Variants in CLDN14 observed in about 807,000 individuals in gnomAD.
CLDN14 encodes claudin 14.
CLDN14 carries 2 observed loss-of-function variants against 2.1 expected under a neutral mutation model. That is an observed-to-expected ratio of 0.96 (90% CI 0.39 to 3.01). The LOEUF (loss-of-function observed/expected upper bound fraction) is 3.01, where lower values mean the gene tolerates loss of function less well. Ranked by LOEUF, CLDN14 falls within the 30% of genes most tolerant of loss-of-function variation. The pLI, the probability that CLDN14 is intolerant of heterozygous loss-of-function variation, is 0.09. For synonymous variants in CLDN14, 136 were observed against 154.4 expected (o/e 0.88, Z 0.88); for missense variants, 298 against 328.0 (o/e 0.91, Z 0.71).
intron 1 of CLDN14, among the ~76,000 whole-genome samples, chr21:36,523,920 C>T (rs891548177): frequency 3.6e-4 from 54 of 152,054 alleles, no homozygotes; most frequent in African/African-American, 1.2e-3. Context: ...CCAGCCCTGC[C>T]GGCTCCTGGA....
At chr21:36,573,478 C>T (rs1358915122) in intron 1 of CLDN14, among the ~76,000 whole-genome samples, 1 of 151,986 alleles carries the variant, frequency 6.6e-6, no homozygotes, top group Non-Finnish European at 1.5e-5. Flanking sequence ...TGAAATTTTG[C>T]AATTGATATG....
At position 36,537,651 on chromosome 21, in the gene CLDN14, C is replaced by CT. The variant is rs371651908; in HGVS notation, c.-219-27152dup. 2.0e-3 allele frequency among the ~76,000 whole-genome samples: 285 copies of CT among 143,644 alleles called. 19 individuals are homozygous for CT. Among genetic ancestry groups the CT allele is most frequent in the African/African-American group, 3.6e-3 (144 of 40,020 alleles). 94.2% of individuals were successfully genotyped at this position (143,644 alleles called of 152,430 possible). A position where few individuals can be genotyped will look rare whatever the true frequency, so the allele number is the denominator to read the frequency against. On this transcript the variant is annotated intron_variant, in intron 1 of 2. Coordinates refer to the CLDN14 transcript ENST00000342108. ...CTTCTTTTTTCTTTGTTTTTCTTTT[C>CT]TTTTCTTTTTTTTTTTGAGACGGAG...
In CLDN14 at chr21:36,461,100, C is replaced by T; in HGVS notation, c.596G>A (p.Arg199Lys). 6.2e-7 allele frequency: 1 copy of T among 1,614,164 alleles called. No homozygotes were observed. Among genetic ancestry groups the T allele is most frequent in the Non-Finnish European group, 8.5e-7 (1 of 1,180,006 alleles). Residue 199 changes from arginine (R) to lysine (K), a missense_variant, in exon 2 of 2, where the codon AGG (arginine) becomes AAG (lysine). Arg to Lys is a conservative substitution (Grantham distance 26). Transcript: ENST00000399135. Reference protein sequence around the residue: ...APYRPYQAPPRATTTTANTAP... With the variant: ...APYRPYQAPPKATTTTANTAP... ...GGTGTTTGCAGTGGTCGTGGTGGCC[C>T]TGGGCGGGGCCTGGTAGGGCCTGTA... is the stretch of plus-strand genomic sequence containing the variant.
At chr21:36,471,989 C>T (rs746473178) in intron 1 of CLDN14, among the ~76,000 whole-genome samples, 12 of 152,206 alleles carry the variant, frequency 7.9e-5, no homozygotes, top group Non-Finnish European at 1.6e-4. Flanking sequence ...AGAGTAAAAA[C>T]AGTCATAGTT....
intron 1 of CLDN14, among the ~76,000 whole-genome samples, chr21:36,522,275 C>T (rs961294591): frequency 6.6e-6 from 1 of 152,220 alleles, no homozygotes; most frequent in African/African-American, 2.4e-5. Flanking sequence ...ATTATTACCC[C>T]TGTGGGCTCA....
chr21:36,475,237 G>A (rs2086762478), intron 1 of CLDN14, among the ~76,000 whole-genome samples: 1 of 152,222 alleles, frequency 6.6e-6, no homozygotes, highest in African/African-American at 2.4e-5. Flanking sequence ...AAATGATGAA[G>A]GCAGACAGCC....
chr21:36,485,472 G>C (rs1168178671), intron 2 of CLDN14, among the ~76,000 whole-genome samples: 1 of 152,204 alleles, frequency 6.6e-6, no homozygotes, highest in South Asian at 2.1e-4. Flanking sequence ...GCATCCCAAA[G>C]TGTTGATATT....
At chr21:36,482,411 C>CGGATGGATGGAT (rs75061949), upstream of CLDN14, among the ~76,000 whole-genome samples, 51 of 142,102 alleles carry the variant, frequency 3.6e-4, no homozygotes, top group African/African-American at 1.2e-3. Context: ...GATGGATAGA[C>CGGATGGATGGAT]GGATGGATGG....
At chr21:36,573,422 G>A (rs541506866) in intron 1 of CLDN14, among the ~76,000 whole-genome samples, 1 of 152,238 alleles carries the variant, frequency 6.6e-6, no homozygotes, top group African/African-American at 2.4e-5. Flanking sequence ...AAGTTCTGGG[G>A]CCCATTTAAG....
At position 36,498,145 on chromosome 21, in the gene CLDN14, C is replaced by A. The variant is rs1488717528; in HGVS notation, c.-82+12218G>T. 2.0e-5 allele frequency among the ~76,000 whole-genome samples: 3 copies of A among 152,058 alleles called. No individual in the cohort carries two copies. Among genetic ancestry groups the A allele is most frequent in the Non-Finnish European group, 4.4e-5 (3 of 68,018 alleles). On this transcript the variant is annotated intron_variant, in intron 2 of 2. Coordinates refer to the CLDN14 transcript ENST00000342108. The surrounding 1 kb of genome is among the most constrained non-coding windows in gnomAD (Gnocchi z 4.9). ...CCTCATGAGTAGCTGGGATTACAGGCACCCACCACCATGCCCAGCTAATTT... is the reference window on the plus strand; with the variant it reads ...CCTCATGAGTAGCTGGGATTACAGGAACCCACCACCATGCCCAGCTAATTT...
chr21:36,557,969 A>G (rs1469907623), intron 1 of CLDN14, among the ~76,000 whole-genome samples: 2 of 152,156 alleles, frequency 1.3e-5, no homozygotes, highest in African/African-American at 2.4e-5. Context: ...GTTCAAGATA[A>G]TGGTCCAATT....
chr21:36,543,597 C>G (rs2087507112), intron 1 of CLDN14, among the ~76,000 whole-genome samples: 1 of 152,150 alleles, frequency 6.6e-6, no homozygotes, highest in South Asian at 2.1e-4. Flanking sequence ...AGCACTTTGG[C>G]TTTACATAAT....
chr21:36,571,650 C>T (rs1307748465), intron 1 of CLDN14, among the ~76,000 whole-genome samples: 1 of 152,108 alleles, frequency 6.6e-6, no homozygotes, highest in Admixed American at 6.5e-5. Context: ...CAAACCCACC[C>T]ATAAACTGAA....
chr21:36,463,839 T>C (rs2086611136), intron 1 of CLDN14, among the ~76,000 whole-genome samples: 1 of 152,266 alleles, frequency 6.6e-6, no homozygotes, highest in Non-Finnish European at 1.5e-5. Flanking sequence ...ATCATCTTGC[T>C]AATTTAAAAA....
Position 36,499,150 on chromosome 21 carries a change from A to T in CLDN14, c.-82+11213T>A, listed in dbSNP as rs559840327. Among the ~76,000 whole-genome samples, 43 of 152,368 alleles carry T rather than the reference A, an allele frequency of 2.8e-4. No individual in the cohort carries two copies. The highest frequency in any genetic ancestry group is 5.0e-4 in the Non-Finnish European group (34 of 68,032). On this transcript the variant is annotated intron_variant, in intron 2 of 2. Transcript: ENST00000342108. This position sits in a 1 kb window ranked among gnomAD's most constrained non-coding sequence, Gnocchi z 4.7. ...ACCACAGGACTCAAGAAATAAGCCC[A>T]GAGCACACATCGGTTTTGTGGGGGC...
chr21:36,519,044 G>A (rs979707651), intron 1 of CLDN14, among the ~76,000 whole-genome samples: 19 of 152,208 alleles, frequency 1.2e-4, no homozygotes, highest in Non-Finnish European at 2.2e-4. Flanking sequence ...GGGTTCAGAG[G>A]CTGGTTTTTC....
intron 1 of CLDN14, among the ~76,000 whole-genome samples, chr21:36,536,718 G>A (rs1361057845): frequency 1.3e-5 from 2 of 152,034 alleles, no homozygotes; most frequent in Non-Finnish European, 1.5e-5. Context: ...CCTTCTACAT[G>A]TTAAGAAAAT....
At chr21:36,556,710 G>T (rs1005682174) in intron 1 of CLDN14, among the ~76,000 whole-genome samples, 3 of 152,202 alleles carry the variant, frequency 2.0e-5, no homozygotes, top group Admixed American at 2.0e-4. Flanking sequence ...TTCTTGAAAA[G>T]TCTCAACCAA....
chr21:36,561,076 C>G (rs894390800), intron 1 of CLDN14, among the ~76,000 whole-genome samples: 1 of 152,180 alleles, frequency 6.6e-6, no homozygotes, highest in Non-Finnish European at 1.5e-5. Context: ...TTCTCAACAC[C>G]TACCCTCAAT....
Sources: allele counts gnomAD v4.1 joint callset (sites outside exome capture counted in the v4.1 genomes callset), GRCh38; gene constraint gnomAD v4.1.1; non-coding constraint Gnocchi (gnomAD v3.1); transcripts MANE v1.5; gene names NCBI Gene and HGNC (gene_info 2026-07-23, HGNC 2026-07-21).